Variants in SLC12A8 observed in about 807,000 individuals in gnomAD.
The protein encoded by SLC12A8 is solute carrier family 12 member 8.
SLC12A8 carries 69 observed loss-of-function variants against 75.6 expected under a neutral mutation model. The observed-to-expected ratio is 0.91, with a 90% CI of 0.75 to 1.11. The LOEUF (loss-of-function observed/expected upper bound fraction) is 1.11, where lower values mean the gene tolerates loss of function less well. Ranked by LOEUF, SLC12A8 falls within the 50% of genes most tolerant of loss-of-function variation. The pLI, the probability that SLC12A8 is intolerant of heterozygous loss-of-function variation, is 0.00. For missense variants in SLC12A8, 877 were observed against 896.7 expected (o/e 0.98, Z 0.28); for synonymous variants, 365 against 372.8 (o/e 0.98, Z 0.24).
intron 2 of SLC12A8, among the ~76,000 whole-genome samples, chr3:125,204,142 T>C (rs1935182098): frequency 6.6e-6 from 1 of 152,202 alleles, no homozygotes; most frequent in African/African-American, 2.4e-5. Context: ...GGTGAAAATG[T>C]GAATTATTAC....
chr3:125,134,553 T>C (rs1324652614), intron 6 of SLC12A8, among the ~76,000 whole-genome samples: 1 of 152,250 alleles, frequency 6.6e-6, no homozygotes, highest in East Asian at 1.9e-4. Flanking sequence ...CATGTACAAA[T>C]CTTCATATGA....
At chr3:125,126,114 C>T (rs1287301480) in intron 6 of SLC12A8, 1 of 162,246 alleles carries the variant, frequency 6.2e-6, no homozygotes, top group African/African-American at 2.4e-5. Flanking sequence ...TAAACAGCTT[C>T]CTTAATATGG....
chr3:125,100,096 G>A (rs1579467615), intron 10 of SLC12A8, among the ~76,000 whole-genome samples: 1 of 152,160 alleles, frequency 6.6e-6, no homozygotes, highest in East Asian at 1.9e-4. Context: ...GATCCAAAGT[G>A]AAGAACAGAG....
In SLC12A8 at chr3:125,110,338, G is replaced by A. The variant is rs756626938; in HGVS notation, c.913-3C>T. On this transcript the variant is annotated splice_polypyrimidine_tract_variant and splice_region_variant and intron_variant, in intron 8 of 13. Coordinates refer to ENST00000469902, the MANE Select transcript of SLC12A8 (RefSeq NM_024628.6). ...AACAGGAAGCCCATGAGGGATACCT[G>A]TGTGAGAAGCGGTTTCATTCGCCAG... 1.2e-6 allele frequency: 2 copies of A among 1,609,484 alleles called. No individual in the cohort carries two copies. Among genetic ancestry groups the A allele is most frequent in the Middle Eastern group, 3.3e-4 (2 of 6,046 alleles).
intron 2 of SLC12A8, among the ~76,000 whole-genome samples, chr3:125,197,199 T>A (rs1935024517): frequency 6.6e-6 from 1 of 152,228 alleles, no homozygotes; most frequent in African/African-American, 2.4e-5. Context: ...TAGCCAAATC[T>A]GGCACAATTT....
chr3:125,195,896 G>A (rs1440057514), intron 2 of SLC12A8, among the ~76,000 whole-genome samples: 4 of 152,138 alleles, frequency 2.6e-5, no homozygotes, highest in Admixed American at 2.6e-4. Flanking sequence ...TAGCAAAAGG[G>A]CAGAGCTTTT....
chr3:125,118,890 C>T (rs773994951), intron 7 of SLC12A8, 34 bp from the exon 8 acceptor site: 27 of 1,421,180 alleles, frequency 1.9e-5, no homozygotes, highest in African/African-American at 2.8e-5. Context: ...GAGCTGCCCC[C>T]GACTCACCTC....
chr3:125,210,356 A>T (rs1213432278), intron 2 of SLC12A8, among the ~76,000 whole-genome samples: 1 of 152,158 alleles, frequency 6.6e-6, no homozygotes, highest in Admixed American at 6.5e-5. Flanking sequence ...CAGGAAGAAG[A>T]AGATGTGGGG....
rs534315113 is a variant in SLC12A8 at position 125,161,618 on chromosome 3, A to C, written c.622+16125T>G. Among the ~76,000 whole-genome samples, 6 of 152,210 alleles carry C rather than the reference A, an allele frequency of 3.9e-5. No homozygotes were observed. In the South Asian group the frequency reaches 1.2e-3, roughly 32 times the overall value. On this transcript the variant is annotated intron_variant, in intron 5 of 13. Coordinates refer to ENST00000469902, the MANE Select transcript of SLC12A8 (RefSeq NM_024628.6). ...GTCCCAGCTATCTGGATCCTTGTTT[A>C]AATTTTACTCACTTACATCTGTGCT...
intron 2 of SLC12A8, among the ~76,000 whole-genome samples, chr3:125,206,517 C>A (rs1935229369): frequency 6.6e-6 from 1 of 152,232 alleles, no homozygotes. Flanking sequence ...AGTGCCACTT[C>A]TCTATTCACC....
At chr3:125,157,140 G>GA (rs138819648) in intron 5 of SLC12A8, among the ~76,000 whole-genome samples, 16,668 of 151,250 alleles carry the variant, frequency 0.11, 1,887 homozygotes, top group African/African-American at 0.29. Flanking sequence ...GAAAAAGGAT[G>GA]AAAAAAAGGC....
chr3:125,196,064 T>A (rs982629930), intron 2 of SLC12A8, among the ~76,000 whole-genome samples: 5 of 152,264 alleles, frequency 3.3e-5, no homozygotes, highest in African/African-American at 1.2e-4. Flanking sequence ...TCAGCCACTA[T>A]TCTATCCATT....
intron 6 of SLC12A8, chr3:125,125,775 C>A (rs902740842): frequency 1.8e-5 from 4 of 219,522 alleles, no homozygotes; most frequent in Non-Finnish European, 3.1e-5. Context: ...GTGTTGTTTC[C>A]ACTACATCAC....
intron 2 of SLC12A8, among the ~76,000 whole-genome samples, chr3:125,206,396 G>C (rs1400549472): frequency 2.0e-5 from 3 of 152,174 alleles, no homozygotes; most frequent in Non-Finnish European, 4.4e-5. Context: ...TGGAACTCAA[G>C]TCTCTGGGCT....
chr3:125,094,221 T>C (rs1029602722), intron 10 of SLC12A8, among the ~76,000 whole-genome samples: 3 of 152,310 alleles, frequency 2.0e-5, no homozygotes, highest in East Asian at 1.9e-4. Flanking sequence ...CAACCATTCA[T>C]AGTCTACAGA....
chr3:125,201,917 A>AT (rs56202034), intron 2 of SLC12A8, among the ~76,000 whole-genome samples: 67,974 of 151,686 alleles, frequency 0.45, 16,083 homozygotes, highest in Non-Finnish European at 0.53. Flanking sequence ...TTTTAATTTA[A>AT]TTTTTTTTGA....
At chr3:125,205,703 G>T (rs1327592949) in intron 2 of SLC12A8, among the ~76,000 whole-genome samples, 2 of 152,204 alleles carry the variant, frequency 1.3e-5, no homozygotes, top group Non-Finnish European at 2.9e-5. Context: ...TTGACCAGAG[G>T]TGGTTTTATG....
chr3:125,115,407 C>T (rs913175524), intron 8 of SLC12A8, among the ~76,000 whole-genome samples: 9 of 152,034 alleles, frequency 5.9e-5, no homozygotes, highest in African/African-American at 2.2e-4. Flanking sequence ...CCTGTAATCC[C>T]AGCTACTTGG....
chr3:125,184,675 A>G (rs1934735292), intron 4 of SLC12A8, among the ~76,000 whole-genome samples: 1 of 151,716 alleles, frequency 6.6e-6, no homozygotes, highest in Admixed American at 6.6e-5. Context: ...CAAAACCCCA[A>G]CCGCACCCTA....
Sources: allele counts gnomAD v4.1 joint callset (sites outside exome capture counted in the v4.1 genomes callset), GRCh38; gene constraint gnomAD v4.1.1; transcripts MANE v1.5; gene names NCBI Gene and HGNC (gene_info 2026-07-23, HGNC 2026-07-21).